Variants in SMAP2 observed in about 807,000 individuals in gnomAD.
SMAP2 encodes stromal membrane-associated protein 2.
Under a neutral mutation model 56.4 loss-of-function variants are expected in SMAP2, and 25 were observed. The ratio of observed to expected loss-of-function variants is 0.44; its 90% CI spans 0.32 to 0.62. The LOEUF is 0.62. Ranked by LOEUF, SMAP2 falls within the 20% of genes least tolerant of loss-of-function variation. The probability of loss-of-function intolerance (pLI) is 0.04; values close to 1 mark genes in which losing one functional copy is unlikely to be tolerated. For synonymous variants in SMAP2, 157 were observed against 181.7 expected (o/e 0.86, Z 1.09); for missense variants, 388 against 545.6 (o/e 0.71, Z 2.88).
chr1:40,375,812 T>C, intron 1 of SMAP2: 1 of 954,814 alleles, frequency 1.0e-6, no homozygotes, highest in Non-Finnish European at 1.2e-6. Context: ...TCAGATGCCA[T>C]TTTGGTGACT....
intron 1 of SMAP2, chr1:40,393,422 G>A (rs1312893761): frequency 6.5e-6 from 10 of 1,535,522 alleles, no homozygotes; most frequent in Non-Finnish European, 8.7e-6. Flanking sequence ...GCTTCATGGG[G>A]AAAGTGGGCA....
Position 40,417,019 on chromosome 1 carries a change from A to G in SMAP2, c.1087A>G (p.Met363Val), listed in dbSNP as rs758954009. Residue 363 changes from methionine (M) to valine (V), a missense_variant, in exon 9 of 10, where the codon ATG becomes GTG. Physicochemically the swap from Met to Val is conservative, Grantham distance 21 (BLOSUM62 1). Coordinates refer to ENST00000372718, the MANE Select transcript of SMAP2 (RefSeq NM_022733.3). ...GMMTTQQAGY[M>V]AGMAAMPQTV... ...GATGACCACCCAGCAGGCTGGCTAC[A>G]TGGCAGGCATGGCAGCTATGCCCCA... The G allele has an allele frequency of 1.9e-6, 3 of 1,614,086 alleles. No homozygotes were observed. The highest frequency in any genetic ancestry group is 4.5e-5 in the East Asian group (2 of 44,874).
intron 1 of SMAP2, among the ~76,000 whole-genome samples, chr1:40,352,905 A>C (rs548953765): frequency 3.0e-4 from 45 of 152,206 alleles, no homozygotes; most frequent in Non-Finnish European, 6.0e-4. Context: ...ATAGATATTA[A>C]CAACAATGAA....
At chr1:40,375,022 A>G in intron 1 of SMAP2, 1 of 985,434 alleles carries the variant, frequency 1.0e-6, no homozygotes, top group Non-Finnish European at 1.2e-6. Context: ...CTAAAGGTGA[A>G]ATATGATCAT....
chr1:40,409,935 A>G, intron 4 of SMAP2, 100 bp downstream of exon 4: 2 of 800,428 alleles, frequency 2.5e-6, no homozygotes, highest in Non-Finnish European at 4.2e-6. Context: ...ACACTCCAAA[A>G]CCATCTTTTA....
At chr1:40,345,787 G>A (rs1253793017) in intron 1 of SMAP2, among the ~76,000 whole-genome samples, 1 of 148,882 alleles carries the variant, frequency 6.7e-6, no homozygotes, top group Non-Finnish European at 1.5e-5. Flanking sequence ...ATTTGCATTT[G>A]GCTGGAGGAG....
intron 4 of SMAP2, among the ~76,000 whole-genome samples, chr1:40,411,424 C>T (rs922814035): frequency 5.3e-5 from 8 of 152,124 alleles, no homozygotes; most frequent in African/African-American, 1.2e-4. Context: ...ATTCAGATGA[C>T]GAAGGAGTAG....
chr1:40,400,222 A>G (rs1261096753), intron 1 of SMAP2, among the ~76,000 whole-genome samples: 1 of 152,208 alleles, frequency 6.6e-6, no homozygotes, highest in African/African-American at 2.4e-5. Context: ...GAGGAAATGA[A>G]AGAAGGCTGC....
intron 1 of SMAP2, among the ~76,000 whole-genome samples, chr1:40,403,533 G>A (rs547898567): frequency 2.0e-5 from 3 of 152,182 alleles, no homozygotes; most frequent in East Asian, 1.9e-4. Flanking sequence ...GAAGCACTCC[G>A]TGGTGTTGCA....
intron 2 of SMAP2, 42 bp downstream of exon 2, chr1:40,406,911 T>C (rs1310581162): frequency 1.3e-6 from 2 of 1,537,710 alleles, no homozygotes; most frequent in Admixed American, 2.0e-5. Context: ...CATATATCTA[T>C]GTAAAAGGAA....
chr1:40,415,214 A>G, intron 6 of SMAP2, 58 bp from the exon 7 acceptor site: 1 of 1,325,702 alleles, frequency 7.5e-7, no homozygotes, highest in Admixed American at 1.7e-5. Flanking sequence ...TCTAGAATAG[A>G]AGGAAGGCAT....
At chr1:40,404,651 T>A (rs1644868609) in intron 1 of SMAP2, among the ~76,000 whole-genome samples, 1 of 152,242 alleles carries the variant, frequency 6.6e-6, no homozygotes, top group Admixed American at 6.5e-5. Context: ...GTCTTATGAG[T>A]TCTAGACTCT....
intron 1 of SMAP2, among the ~76,000 whole-genome samples, chr1:40,405,088 C>A (rs1230847827): frequency 1.4e-5 from 2 of 146,468 alleles, no homozygotes; most frequent in Non-Finnish European, 3.0e-5. Context: ...TAAGTGATAT[C>A]TTTGTCAAAA....
chr1:40,414,367 C>T, intron 6 of SMAP2, 127 bp downstream of exon 6: 2 of 817,822 alleles, frequency 2.4e-6, no homozygotes, highest in South Asian at 3.2e-5. Flanking sequence ...CTCTCACATT[C>T]TTCCTGATCT....
chr1:40,346,524 C>T (rs1237725777), intron 1 of SMAP2, among the ~76,000 whole-genome samples: 1 of 151,564 alleles, frequency 6.6e-6, no homozygotes, highest in Admixed American at 6.6e-5. Flanking sequence ...TGTGCACAAC[C>T]ACACCTGGCT....
At chr1:40,353,083 C>T (rs1385363495) in intron 1 of SMAP2, among the ~76,000 whole-genome samples, 1 of 152,216 alleles carries the variant, frequency 6.6e-6, no homozygotes, top group African/African-American at 2.4e-5. Context: ...CTCTTGCTGC[C>T]TCCTGCCATA....
At chr1:40,405,537 C>T (rs556314630) in intron 1 of SMAP2, among the ~76,000 whole-genome samples, 1 of 152,278 alleles carries the variant, frequency 6.6e-6, no homozygotes, top group East Asian at 1.9e-4. Flanking sequence ...AAATAATTGT[C>T]TGTGTCCTAA....
chr1:40,394,146 G>C (rs775270557), intron 1 of SMAP2, among the ~76,000 whole-genome samples: 3 of 152,016 alleles, frequency 2.0e-5, no homozygotes, highest in African/African-American at 4.8e-5. Flanking sequence ...ATGGTTTCTT[G>C]GGAGGACAGT....
intron 9 of SMAP2, among the ~76,000 whole-genome samples, chr1:40,420,888 C>T (rs910834117): frequency 6.6e-6 from 1 of 152,112 alleles, no homozygotes; most frequent in African/African-American, 2.4e-5. Flanking sequence ...AAGGAGACTA[C>T]AGAGATCTGA....
Sources: gnomAD v4.1 joint callset for allele counts (sites outside exome capture counted in the v4.1 genomes callset) on GRCh38, gnomAD v4.1.1 for gene constraint, MANE v1.5 for transcripts, NCBI Gene and HGNC (gene_info 2026-07-23, HGNC 2026-07-21) for gene names.